Variants in TMEM229B observed in about 807,000 individuals in gnomAD.
TMEM229B encodes the protein transmembrane protein 229B, also known as chromosome 14 open reading frame 83.
In TMEM229B, 6 loss-of-function variants were observed where a neutral mutation model predicts 13.7. The ratio of observed to expected loss-of-function variants is 0.44; its 90% CI spans 0.24 to 0.86. The LOEUF (loss-of-function observed/expected upper bound fraction) is 0.86. TMEM229B is among the 40% of genes least tolerant of loss of function. The pLI is 0.23. For synonymous variants in TMEM229B, 107 were observed against 102.1 expected, an observed-to-expected ratio of 1.05 and a Z score of -0.29; for missense variants, 170 against 236.0, an observed-to-expected ratio of 0.72 and a Z score of 1.83.
intron 1 of TMEM229B, among the ~76,000 whole-genome samples, chr14:67,524,752 T>C (rs944038255): frequency 2.0e-5 from 3 of 152,186 alleles, no homozygotes; most frequent in Non-Finnish European, 4.4e-5. Flanking sequence ...AATCCAGTAA[T>C]GCTGTTGTGG....
At chr14:67,510,681 T>C (rs527902347) in intron 1 of TMEM229B, among the ~76,000 whole-genome samples, 1 of 152,342 alleles carries the variant, frequency 6.6e-6, no homozygotes, top group South Asian at 2.1e-4. Context: ...ACCAATGCTC[T>C]GGCTGCCTTA....
chr14:67,490,890 G>A (rs568941445), upstream of TMEM229B, among the ~76,000 whole-genome samples: 63 of 152,242 alleles, frequency 4.1e-4, 1 homozygote, highest in African/African-American at 1.5e-3. Flanking sequence ...ATATGGGGTG[G>A]GCGTGGAGGG....
At chr14:67,516,643 G>T (rs2033206819), upstream of TMEM229B, among the ~76,000 whole-genome samples, 1 of 152,180 alleles carries the variant, frequency 6.6e-6, no homozygotes, top group African/African-American at 2.4e-5. Context: ...TGTCTGATGG[G>T]GCCGTAGGTC....
At chr14:67,515,750 C>T (rs190198583), upstream of TMEM229B, among the ~76,000 whole-genome samples, 102 of 152,322 alleles carry the variant, frequency 6.7e-4, no homozygotes, top group African/African-American at 2.2e-3. Context: ...GTGCAACATC[C>T]ACTGTGGGTA....
At position 67,470,365 on chromosome 14, in the gene TMEM229B, C is replaced by G. The variant is rs1338658919; in HGVS notation, c.*3055G>C. On this transcript the variant is annotated 3_prime_UTR_variant, in exon 3 of 3. Coordinates refer to ENST00000554480, the MANE Select transcript of TMEM229B (RefSeq NM_001348543.2). ...ACAGAGCAGGCAATGGGCGCACAAA[C>G]CGGTCGTGTGTCCTTCTCAAGAGCT... is the stretch of plus-strand genomic sequence containing the variant. 1 of 152,314 alleles carries G rather than the reference C, an allele frequency of 6.6e-6. No individual in the cohort carries two copies. Among genetic ancestry groups the G allele is most frequent in the East Asian group, 1.9e-4 (1 of 5,198 alleles). The allele number at this position is 152,314 out of a possible 1,614,324, so 9.4% of individuals were successfully genotyped here. A position where few individuals can be genotyped will look rare whatever the true frequency, so the allele number is the denominator to read the frequency against.
upstream of TMEM229B, among the ~76,000 whole-genome samples, chr14:67,489,109 T>C (rs984802234): frequency 2.0e-5 from 3 of 152,198 alleles, no homozygotes; most frequent in African/African-American, 7.2e-5. Context: ...TGAGCCCTTA[T>C]AGCAACTAAC....
chr14:67,490,973 A>C (rs1168188676), upstream of TMEM229B, among the ~76,000 whole-genome samples: 1 of 152,106 alleles, frequency 6.6e-6, no homozygotes, highest in Non-Finnish European at 1.5e-5. Context: ...AGTTCATTTA[A>C]ACTCTGATGC....
chr14:67,515,552 C>G (rs866122874), upstream of TMEM229B: 8 of 153,660 alleles, frequency 5.2e-5, no homozygotes, highest in Middle Eastern at 3.4e-3. Flanking sequence ...GGCCCGCTGT[C>G]CCCTCCGACC....
chr14:67,524,540 G>A (rs1209359638), intron 1 of TMEM229B, among the ~76,000 whole-genome samples: 1 of 152,036 alleles, frequency 6.6e-6, no homozygotes, highest in African/African-American at 2.4e-5. Flanking sequence ...CCTGCAGTCC[G>A]ACCAATGGAC....
intron 1 of TMEM229B, among the ~76,000 whole-genome samples, chr14:67,498,705 G>A (rs946582273): frequency 1.4e-4 from 22 of 152,258 alleles, no homozygotes; most frequent in African/African-American, 3.9e-4. Context: ...TCCCTCTGTC[G>A]CCCAGGCTGG....
chr14:67,483,677 G>A (rs1049746446), intron 2 of TMEM229B, among the ~76,000 whole-genome samples: 10 of 152,190 alleles, frequency 6.6e-5, no homozygotes, highest in African/African-American at 1.2e-4. Context: ...CAAGGCATGC[G>A]CCATTCAAAG....
intron 2 of TMEM229B, among the ~76,000 whole-genome samples, chr14:67,483,805 G>A (rs1447527779): frequency 6.6e-6 from 1 of 152,254 alleles, no homozygotes; most frequent in Non-Finnish European, 1.5e-5. Context: ...GCCAAGAGCA[G>A]GGGCCAGCTG....
rs1224949963 is a variant in TMEM229B at position 67,473,764 on chromosome 14, C to T, written c.160G>A (p.Gly54Ser). Reference sequence around the variant, plus strand: ...CGCTCCACGATGAGGATGGAGGTGCCGTAGATGAAGAGGGCCCACACGCTC... The same window carrying T: ...CGCTCCACGATGAGGATGGAGGTGCTGTAGATGAAGAGGGCCCACACGCTC... ...VTSVWALFIY[G>S]TSILIVERMY... Residue 54 changes from glycine (G) to serine (S), a missense_variant, in exon 3 of 3, where the codon GGC becomes AGC. Gly to Ser is a moderately conservative substitution (Grantham distance 56). Around this residue, in one of 4 missense-constraint regions of TMEM229B, gnomAD observed 36 missense variants for 83.8 expected, o/e 0.43. Coordinates refer to ENST00000554480, the MANE Select transcript of TMEM229B (RefSeq NM_001348543.2). The surrounding 1 kb of genome is among the most constrained non-coding windows in gnomAD (Gnocchi z 6.5). 2 of 1,613,762 alleles carry T rather than the reference C, an allele frequency of 1.2e-6. No homozygotes were observed. The highest frequency in any genetic ancestry group is 1.7e-6 in the Non-Finnish European group (2 of 1,179,892).
At chr14:67,491,276 T>C (rs1233622907), upstream of TMEM229B, among the ~76,000 whole-genome samples, 1 of 152,186 alleles carries the variant, frequency 6.6e-6, no homozygotes, top group Non-Finnish European at 1.5e-5. Flanking sequence ...CACCGCCACA[T>C]GTTCAGCCAC....
chr14:67,480,262 A>G (rs958163993), intron 2 of TMEM229B, among the ~76,000 whole-genome samples: 1 of 152,072 alleles, frequency 6.6e-6, no homozygotes, highest in Non-Finnish European at 1.5e-5. Flanking sequence ...CTTCCTGTCA[A>G]GCAGGTTAGG....
intron 1 of TMEM229B, among the ~76,000 whole-genome samples, chr14:67,522,188 A>T (rs1421836307): frequency 6.6e-6 from 1 of 152,168 alleles, no homozygotes; most frequent in African/African-American, 2.4e-5. Context: ...AAAACAAAAA[A>T]AGAAAAAAAG....
At chr14:67,482,881 A>C (rs918963387) in intron 2 of TMEM229B, among the ~76,000 whole-genome samples, 1 of 151,794 alleles carries the variant, frequency 6.6e-6, no homozygotes, top group Non-Finnish European at 1.5e-5. Context: ...TCCTCCCTCC[A>C]CCTCCCAAGT....
At chr14:67,533,024 G>A (rs1208953611) in intron 1 of TMEM229B, among the ~76,000 whole-genome samples, 1 of 152,110 alleles carries the variant, frequency 6.6e-6, no homozygotes, top group Non-Finnish European at 1.5e-5. Context: ...CCAGGGACGA[G>A]CCCAGCGGTG....
chr14:67,498,596 G>A (rs1256036271), intron 1 of TMEM229B, among the ~76,000 whole-genome samples: 6 of 152,182 alleles, frequency 3.9e-5, no homozygotes, highest in African/African-American at 1.4e-4. Flanking sequence ...CAAGAAAGAC[G>A]AAGGAATGAG....
Sources: allele counts gnomAD v4.1 joint callset (sites outside exome capture counted in the v4.1 genomes callset), GRCh38; gene constraint gnomAD v4.1.1; regional missense constraint gnomAD v4.1.1; non-coding constraint Gnocchi (gnomAD v3.1); transcripts MANE v1.5; gene names NCBI Gene and HGNC (gene_info 2026-07-23, HGNC 2026-07-21).